The following MYO6 variants were observed in gnomAD, a reference collection of about 807,000 sequenced individuals.
MYO6 encodes myosin VI.
MYO6 carries 74 observed loss-of-function variants against 178.7 expected under a neutral mutation model. The observed-to-expected ratio is 0.41, with a 90% CI of 0.34 to 0.50. The LOEUF (loss-of-function observed/expected upper bound fraction) is 0.50. Among genes scored for constraint, MYO6 ranks in the 20% least tolerant of loss-of-function variants. The pLI, the probability that MYO6 is intolerant of heterozygous loss-of-function variation, is 0.09. For synonymous variants in MYO6, 477 were observed against 504.6 expected, an observed-to-expected ratio of 0.95 and a Z score of 0.73; for missense variants, 1,330 against 1,547.4, an observed-to-expected ratio of 0.86 and a Z score of 2.36.
intron 1 of MYO6, among the ~76,000 whole-genome samples, chr6:75,758,642 T>G (rs1777683462): frequency 6.6e-6 from 1 of 151,924 alleles, no homozygotes; most frequent in Non-Finnish European, 1.5e-5. Flanking sequence ...TCTTATTTAG[T>G]AGAGATGGGG....
In MYO6 at chr6:75,898,409, T is replaced by A; in HGVS notation, c.3174T>A (p.Ser1058Arg). 6.2e-7 allele frequency: 1 copy of A among 1,609,120 alleles called. No homozygotes were observed. Among genetic ancestry groups the A allele is most frequent in the Non-Finnish European group, 8.5e-7 (1 of 1,175,602 alleles). ...QMAKEMSEFL[S>R]RGPAVLATKA... Reference sequence around the variant, plus strand: ...CCAAAGAAATGTCAGAATTTTTGAGTAGGTTAGTGCAGTGTAATTGGGGGA... The same window carrying A: ...CCAAAGAAATGTCAGAATTTTTGAGAAGGTTAGTGCAGTGTAATTGGGGGA... Residue 1058 changes from serine to arginine, a missense_variant and splice_region_variant, in exon 30 of 35, where the codon AGT (serine) becomes AGA (arginine). Around this residue, in one of 3 missense-constraint regions of MYO6, gnomAD observed 601 missense variants for 626.1 expected, o/e 0.96. Transcript: ENST00000369977.
intron 16 of MYO6, among the ~76,000 whole-genome samples, chr6:75,865,964 A>G (rs1050963052): frequency 6.6e-6 from 1 of 152,044 alleles, no homozygotes; most frequent in Admixed American, 6.6e-5. Flanking sequence ...CTCCAGGTTG[A>G]TCCTTTTGTA....
Position 75,918,969 on chromosome 6 carries a change from A to G in MYO6, c.*3957A>G, listed in dbSNP as rs1781279072. 6.6e-6 allele frequency: 1 copy of G among 152,180 alleles called. No homozygotes were observed. Among genetic ancestry groups the G allele is most frequent in the African/African-American group, 2.4e-5 (1 of 41,446 alleles). 9.4% of individuals were successfully genotyped at this position (152,180 alleles called of 1,614,324 possible). On this transcript the variant is annotated 3_prime_UTR_variant, in exon 35 of 35. Transcript: ENST00000369977. The stretch of plus-strand genomic sequence containing the variant: ...CCTGTCTCTACTAAAAATACAAAAC[A>G]TTAGCCAGGCGTGGTAGTGGGTGCC...
intron 2 of MYO6, among the ~76,000 whole-genome samples, chr6:75,822,132 T>C (rs906246531): frequency 3.3e-5 from 5 of 151,888 alleles, no homozygotes; most frequent in Non-Finnish European, 7.4e-5. Flanking sequence ...AATTTCACTC[T>C]TGTCTTCCAG....
chr6:75,914,745 G>T, intron 34 of MYO6, 68 bp from the exon 35 acceptor site: 1 of 1,423,380 alleles, frequency 7.0e-7, no homozygotes, highest in Non-Finnish European at 9.9e-7. Context: ...AGGTATTTCA[G>T]GCATACAACT....
At chr6:75,886,771 AT>A in intron 24 of MYO6, 72 bp from the exon 25 acceptor site, 1 of 1,427,358 alleles carries the variant, frequency 7.0e-7, no homozygotes, top group South Asian at 1.1e-5. Flanking sequence ...CCTGTTTAGC[AT>A]TTTATAAATG....
chr6:75,887,906 G>C (rs1055780955), intron 25 of MYO6, among the ~76,000 whole-genome samples: 3 of 151,928 alleles, frequency 2.0e-5, no homozygotes, highest in East Asian at 3.9e-4. Context: ...GTGAACCGGG[G>C]GGGCGGAGCT....
intron 12 of MYO6, among the ~76,000 whole-genome samples, chr6:75,855,584 AT>A (rs1170700269): frequency 1.3e-5 from 2 of 152,130 alleles, no homozygotes; most frequent in Non-Finnish European, 2.9e-5. Flanking sequence ...TTTAAAAGTA[AT>A]TTTTTTATGC....
rs187910291 is a variant in MYO6, at chr6:75,790,612, C to T, written c.-47-26889C>T. ...CAGGCTGGTTTTGAACTCCTGACCT[C>T]GAGTGATCCGCCTGCCTCGGCCTCC... On this transcript the variant is annotated intron_variant, in intron 1 of 34. Coordinates refer to ENST00000369977, the MANE Select transcript of MYO6 (RefSeq NM_004999.4). Among the ~76,000 whole-genome samples the T allele has an allele frequency of 3.9e-3, 596 of 152,230 alleles. 3 individuals carry two copies. Among genetic ancestry groups the T allele is most frequent in the African/African-American group, 0.014 (565 of 41,544 alleles).
At chr6:75,804,618 C>T (rs989274792) in intron 1 of MYO6, among the ~76,000 whole-genome samples, 12 of 152,060 alleles carry the variant, frequency 7.9e-5, no homozygotes, top group Admixed American at 7.2e-4. Context: ...TCCCTGAGGC[C>T]AGATACCTTG....
intron 1 of MYO6, among the ~76,000 whole-genome samples, chr6:75,770,100 G>GTTAGGGCTTCTCTTGCTTCGTCTTCTTGC (rs1765725150): frequency 6.6e-6 from 1 of 152,138 alleles, no homozygotes; most frequent in African/African-American, 2.4e-5. Context: ...AGATTTCTCT[G>GTTAGGGCTTCTCTTGCTTCGTCTTCTTGC]TTAGGGCTTC....
At chr6:75,844,556 A>G (rs2150264233) in intron 9 of MYO6, among the ~76,000 whole-genome samples, 1 of 152,236 alleles carries the variant, frequency 6.6e-6, no homozygotes, top group South Asian at 2.1e-4. Flanking sequence ...TTTAGTAGGA[A>G]GGTGATTTTC....
intron 30 of MYO6, among the ~76,000 whole-genome samples, chr6:75,904,057 C>A (rs1780055421): frequency 1.3e-5 from 2 of 152,124 alleles, no homozygotes; most frequent in Non-Finnish European, 2.9e-5. Context: ...ATATTGGCCC[C>A]AACTCTCTTC....
chr6:75,909,570 A>G (rs1003838020), intron 32 of MYO6, among the ~76,000 whole-genome samples: 12 of 152,182 alleles, frequency 7.9e-5, no homozygotes, highest in African/African-American at 2.2e-4. Context: ...AGTAGAGTAG[A>G]AGAGATGTAA....
At chr6:75,896,911 T>C (rs1006975689) in intron 29 of MYO6, among the ~76,000 whole-genome samples, 1 of 152,260 alleles carries the variant, frequency 6.6e-6, no homozygotes, top group African/African-American at 2.4e-5. Context: ...GCATATAGTT[T>C]GGTAAAATCA....
intron 4 of MYO6, among the ~76,000 whole-genome samples, chr6:75,828,839 G>A (rs1772765075): frequency 6.6e-6 from 1 of 152,022 alleles, no homozygotes; most frequent in South Asian, 2.1e-4. Flanking sequence ...CAGTATTTGT[G>A]GGATGAAATA....
At position 75,866,562 on chromosome 6, in the gene MYO6, A is replaced by G; in HGVS notation, c.1711A>G (p.Ile571Val). Residue 571 changes from isoleucine to valine, a missense_variant, in exon 17 of 35, where the codon ATC becomes GTC. Transcript: ENST00000369977. Reference protein sequence around the residue: ...RKSKLAVHRNIRDDEGFIIRH... With the variant: ...RKSKLAVHRNVRDDEGFIIRH... ...ATCTAAGCTGGCAGTTCATAGGAATATCAGAGACGACGAAGGCTTCATTAT... is the reference window on the plus strand; with the variant it reads ...ATCTAAGCTGGCAGTTCATAGGAATGTCAGAGACGACGAAGGCTTCATTAT... 1.2e-6 allele frequency: 2 copies of G among 1,614,072 alleles called. No homozygotes were observed. Among genetic ancestry groups the G allele is most frequent in the East Asian group, 2.2e-5 (1 of 44,878 alleles).
chr6:75,884,807 G>A (rs563126250), intron 23 of MYO6, among the ~76,000 whole-genome samples: 1 of 152,250 alleles, frequency 6.6e-6, no homozygotes, highest in South Asian at 2.1e-4. Context: ...CTGGTGCATT[G>A]GAAGGTCTGC....
At chr6:75,872,044 A>G (rs1777197783) in intron 19 of MYO6, among the ~76,000 whole-genome samples, 1 of 152,198 alleles carries the variant, frequency 6.6e-6, no homozygotes, top group African/African-American at 2.4e-5. Context: ...CAGAAGAATC[A>G]CTTGAACCCA....
Sources: gnomAD v4.1 joint callset for allele counts (sites outside exome capture counted in the v4.1 genomes callset) on GRCh38, gnomAD v4.1.1 for gene constraint, gnomAD v4.1.1 regional missense constraint, MANE v1.5 for transcripts, NCBI Gene and HGNC (gene_info 2026-07-23, HGNC 2026-07-21) for gene names.